SDK1: variants seen among roughly 807,000 people sequenced by gnomAD.
SDK1 encodes sidekick cell adhesion molecule 1.
In SDK1, 157 loss-of-function variants were observed where a neutral mutation model predicts 245.5. The ratio of observed to expected loss-of-function variants is 0.64; its 90% confidence interval spans 0.56 to 0.73. The LOEUF (loss-of-function observed/expected upper bound fraction) is 0.73. Ranked by LOEUF, SDK1 falls within the 30% of genes least tolerant of loss-of-function variation. The pLI is 0.00. For missense variants in SDK1, 3,583 were observed against 3,002.3 expected (o/e 1.19, Z -4.52); for synonymous variants, 1,647 against 1,278.5 (o/e 1.29, Z -6.15).
At chr7:3,501,061 T>C (rs1223065690) in intron 1 of SDK1, among the ~76,000 whole-genome samples, 1 of 152,200 alleles carries the variant, frequency 6.6e-6, no homozygotes, top group African/African-American at 2.4e-5. Context: ...TAAAGGCTTT[T>C]CTTAGATGAC....
intron 4 of SDK1, among the ~76,000 whole-genome samples, chr7:3,751,799 C>T (rs1779780574): frequency 6.6e-6 from 1 of 152,162 alleles, no homozygotes; most frequent in African/African-American, 2.4e-5. Context: ...CTCCAGATAG[C>T]CCTCCCCTTC....
chr7:3,929,059 A>G (rs1257544861), intron 5 of SDK1, among the ~76,000 whole-genome samples: 1 of 152,230 alleles, frequency 6.6e-6, no homozygotes, highest in Non-Finnish European at 1.5e-5. Context: ...AGCCTTCCCC[A>G]TGTCAACTCT....
At chr7:3,474,737 C>T (rs558930460) in intron 1 of SDK1, among the ~76,000 whole-genome samples, 2 of 152,148 alleles carry the variant, frequency 1.3e-5, no homozygotes, top group Non-Finnish European at 2.9e-5. Context: ...GTCACCCAGG[C>T]TGCAGTGCAG....
intron 42 of SDK1, among the ~76,000 whole-genome samples, chr7:4,240,558 C>G (rs1244591570): frequency 6.6e-6 from 1 of 152,110 alleles, no homozygotes; most frequent in Non-Finnish European, 1.5e-5. Flanking sequence ...AGGTTTAAAG[C>G]ACGTCAAAGG....
chr7:4,239,474 A>T (rs1391591759), intron 42 of SDK1, among the ~76,000 whole-genome samples: 2 of 152,344 alleles, frequency 1.3e-5, no homozygotes, highest in East Asian at 3.9e-4. Flanking sequence ...CCTCATAATT[A>T]TCAATGAGAC....
chr7:3,962,439 G>A (rs564759728), intron 8 of SDK1, among the ~76,000 whole-genome samples: 1 of 152,196 alleles, frequency 6.6e-6, no homozygotes, highest in African/African-American at 2.4e-5. Flanking sequence ...CGCAGCCAGG[G>A]CGGCCACAGT....
At chr7:3,504,149 C>CAA (rs1049978079) in intron 1 of SDK1, among the ~76,000 whole-genome samples, 1 of 127,164 alleles carries the variant, frequency 7.9e-6, no homozygotes, top group East Asian at 2.2e-4. Flanking sequence ...GACTCCTTCT[C>CAA]AAAAAAAAAC....
intron 5 of SDK1, among the ~76,000 whole-genome samples, chr7:3,873,838 G>A (rs77495791): frequency 0.049 from 7,406 of 151,800 alleles, 567 homozygotes; most frequent in African/African-American, 0.16. Context: ...GAAATTACCC[G>A]TCTGATCCTA....
At chr7:3,885,026 C>T (rs1032893665) in intron 5 of SDK1, among the ~76,000 whole-genome samples, 1 of 152,130 alleles carries the variant, frequency 6.6e-6, no homozygotes, top group Non-Finnish European at 1.5e-5. Context: ...GTGTGTCTCC[C>T]CCGACCCCCA....
intron 4 of SDK1, among the ~76,000 whole-genome samples, chr7:3,662,291 A>G (rs764929331): frequency 6.6e-5 from 10 of 152,136 alleles, no homozygotes; most frequent in Non-Finnish European, 1.3e-4. Context: ...CATCATCTGA[A>G]CATCTCACAA....
At chr7:3,403,857 A>AT (rs1254839995) in intron 1 of SDK1, among the ~76,000 whole-genome samples, 5,258 of 112,096 alleles carry the variant, frequency 0.047, 548 homozygotes, top group African/African-American at 0.17. Context: ...ATATATATAT[A>AT]TATATATATA....
chr7:4,210,997 G>A (rs1449467245), intron 38 of SDK1, among the ~76,000 whole-genome samples: 1 of 152,180 alleles, frequency 6.6e-6, no homozygotes, highest in Non-Finnish European at 1.5e-5. Context: ...GGTGGGCAGA[G>A]CTTGGGTGGT....
intron 4 of SDK1, among the ~76,000 whole-genome samples, chr7:3,677,611 T>A (rs1034406811): frequency 1.5e-4 from 23 of 152,218 alleles, no homozygotes; most frequent in Non-Finnish European, 1.9e-4. Context: ...ACATGGGGAT[T>A]ATTAAAATTC....
At chr7:4,109,271 A>G (rs1204133724) in intron 22 of SDK1, among the ~76,000 whole-genome samples, 1 of 152,118 alleles carries the variant, frequency 6.6e-6, no homozygotes, top group Non-Finnish European at 1.5e-5. Flanking sequence ...GAAAGCGTTG[A>G]GAGTTTTGCG....
intron 17 of SDK1, among the ~76,000 whole-genome samples, chr7:4,028,474 T>A (rs554885715): frequency 6.6e-6 from 1 of 152,302 alleles, no homozygotes; most frequent in African/African-American, 2.4e-5. Flanking sequence ...CAGGAAACTC[T>A]GGTGGTTGGG....
At position 3,911,923 on chromosome 7, in the gene SDK1, G is replaced by A. The variant is rs117350567; in HGVS notation, c.848-39000G>A. Among the ~76,000 whole-genome samples the A allele has an allele frequency of 9.1e-3, 1,384 of 152,294 alleles. 19 individuals are homozygous for A. The highest frequency in any genetic ancestry group is 0.027 in the South Asian group (132 of 4,820). ...AAAGTACTCACCTTGCTGTGGAGAC[G>A]TTTGACTTGCACCTGGAAGGATGAC... On this transcript the variant is annotated intron_variant, in intron 5 of 44. Coordinates refer to ENST00000404826, the MANE Select transcript of SDK1 (RefSeq NM_152744.4).
At chr7:4,008,393 G>T (rs1785664380) in intron 14 of SDK1, among the ~76,000 whole-genome samples, 1 of 152,242 alleles carries the variant, frequency 6.6e-6, no homozygotes, top group African/African-American at 2.4e-5. Flanking sequence ...GCGCAGAGGG[G>T]TGCCTCCTTG....
chr7:3,688,178 A>G (rs1345133247), intron 4 of SDK1, among the ~76,000 whole-genome samples: 1 of 152,222 alleles, frequency 6.6e-6, no homozygotes, highest in Non-Finnish European at 1.5e-5. Flanking sequence ...TTGTATCATT[A>G]CTATTTCAAA....
intron 5 of SDK1, among the ~76,000 whole-genome samples, chr7:3,904,348 C>T (rs943702874): frequency 2.6e-5 from 4 of 152,096 alleles, no homozygotes; most frequent in African/African-American, 9.7e-5. Flanking sequence ...GGAAAAAATA[C>T]TCTGGAACTA....
Sources: gnomAD v4.1 joint callset for allele counts (sites outside exome capture counted in the v4.1 genomes callset) on GRCh38, gnomAD v4.1.1 for gene constraint, MANE v1.5 for transcripts, NCBI Gene and HGNC (gene_info 2026-07-23, HGNC 2026-07-21) for gene names.